Variants in ZNF483 observed in about 807,000 individuals in gnomAD.
ZNF483 encodes the protein zinc finger protein HIT-10.
In ZNF483, 9 loss-of-function variants were observed where a neutral mutation model predicts 28.6. The observed-to-expected ratio is 0.32, with a 90% confidence interval of 0.19 to 0.55. The LOEUF is 0.55. Ranked by LOEUF, ZNF483 falls within the 20% of genes least tolerant of loss-of-function variation. ZNF483 has a pLI of 0.93. For synonymous variants in ZNF483, 322 were observed against 306.2 expected (o/e 1.05, Z -0.54); for missense variants, 675 against 871.7 (o/e 0.77, Z 2.84).
At position 111,533,123 on chromosome 9, in the gene ZNF483, C is replaced by G. The variant is rs145736843; in HGVS notation, c.502-616C>G. On this transcript the variant is annotated intron_variant, in intron 3 of 5. Transcript: ENST00000309235. ...TACCTGTAGTAAGCTTACATTAATT[C>G]TGCAAATTTAGGGTTCAGGAATGTA... Among the ~76,000 whole-genome samples, 48 of 152,260 alleles carry G rather than the reference C, an allele frequency of 3.2e-4. 1 individual carries two copies. The East Asian group carries it at 9.1e-3, about 29-fold the overall frequency.
intron 3 of ZNF483, among the ~76,000 whole-genome samples, chr9:111,531,869 A>G (rs1484441116): frequency 6.6e-6 from 1 of 152,074 alleles, no homozygotes; most frequent in African/African-American, 2.4e-5. Context: ...TTTTTTGTAG[A>G]GTTGGGGTCT....
chr9:111,532,725 A>G (rs939346241), intron 3 of ZNF483, among the ~76,000 whole-genome samples: 3 of 152,200 alleles, frequency 2.0e-5, no homozygotes, highest in African/African-American at 4.8e-5. Flanking sequence ...TATAAAAAGC[A>G]TGCAGAGAAT....
Position 111,547,239 on chromosome 9 carries a change from A to C in ZNF483, c.*4069A>C, listed in dbSNP as rs781487405. ...ATATTTAACTTCTTGAGGAAGTGCA[A>C]CTACACTATTTTAAATTCCCACCAG... is the stretch of plus-strand genomic sequence containing the variant. On this transcript the variant is annotated 3_prime_UTR_variant, in exon 6 of 6. Coordinates refer to ENST00000309235, the MANE Select transcript of ZNF483 (RefSeq NM_133464.5). 6.6e-6 allele frequency among the ~76,000 whole-genome samples: 1 copy of C among 152,154 alleles called. No individual in the cohort carries two copies. Among genetic ancestry groups the C allele is most frequent in the Non-Finnish European group, 1.5e-5 (1 of 67,984 alleles).
intron 2 of ZNF483, among the ~76,000 whole-genome samples, chr9:111,528,514 A>G (rs1290170877): frequency 6.6e-6 from 1 of 152,184 alleles, no homozygotes; most frequent in African/African-American, 2.4e-5. Flanking sequence ...TAGTCCTTTC[A>G]GGGAATGTGG....
intron 5 of ZNF483, among the ~76,000 whole-genome samples, chr9:111,561,162 A>C (rs1427669949): frequency 7.1e-6 from 1 of 140,954 alleles, no homozygotes; most frequent in African/African-American, 2.6e-5. Context: ...AGAGAGAGAG[A>C]GAGAGAGAGA....
chr9:111,564,138 A>T lies in ZNF483; in HGVS notation c.722-12227A>T, dbSNP rs965056555. ...TTTTCAGATTTTTTTAAGGGGTCTTATATAGAGACCTGAGTTACCTGATAC... is the reference window on the plus strand; with the variant it reads ...TTTTCAGATTTTTTTAAGGGGTCTTTTATAGAGACCTGAGTTACCTGATAC... On this transcript the variant is annotated intron_variant, in intron 5 of 5. Transcript: ENST00000358151. 15 of 520,852 alleles carry T rather than the reference A, an allele frequency of 2.9e-5. No individual in the cohort carries two copies. In the African/African-American group the frequency reaches 2.9e-4, roughly 10 times the overall value. 32.3% of individuals were successfully genotyped at this position (520,852 alleles called of 1,614,324 possible).
intron 5 of ZNF483, among the ~76,000 whole-genome samples, chr9:111,561,135 AGAG>A (rs1268561680): frequency 4.6e-4 from 25 of 54,648 alleles, no homozygotes; most frequent in South Asian, 1.3e-3. Context: ...AGAGAGAGAG[AGAG>A]GAGAGAGAGG....
intron 5 of ZNF483, among the ~76,000 whole-genome samples, chr9:111,560,911 C>A (rs758179950): frequency 6.1e-4 from 84 of 138,198 alleles, no homozygotes; most frequent in Non-Finnish European, 1.1e-3. Context: ...CCACTGCACT[C>A]CAGCCTGGGC....
At chr9:111,565,620 C>G (rs1280247162) in intron 5 of ZNF483, among the ~76,000 whole-genome samples, 1 of 152,056 alleles carries the variant, frequency 6.6e-6, no homozygotes, top group African/African-American at 2.4e-5. Flanking sequence ...AACTCTTGGA[C>G]TCAGGTGATC....
chr9:111,566,393 C>A (rs1828563534), intron 5 of ZNF483, among the ~76,000 whole-genome samples: 1 of 152,182 alleles, frequency 6.6e-6, no homozygotes, highest in Non-Finnish European at 1.5e-5. Flanking sequence ...CAGCCCGGCA[C>A]TGCAAGTGCT....
At chr9:111,540,901 A>G (rs1458271359) in intron 5 of ZNF483, among the ~76,000 whole-genome samples, 1 of 152,204 alleles carries the variant, frequency 6.6e-6, no homozygotes, top group Non-Finnish European at 1.5e-5. Context: ...TGTCACATCC[A>G]TAAAACCGAG....
chr9:111,561,148 GGAGAGAGAGA>G (rs527553902), intron 5 of ZNF483, among the ~76,000 whole-genome samples: 1,194 of 34,692 alleles, frequency 0.034, 57 homozygotes, highest in Middle Eastern at 0.14. Flanking sequence ...GGAGAGAGAG[GGAGAGAGAGA>G]GAGAGAGAGA....
Position 111,543,757 on chromosome 9 carries a change from CTTCTTTTCTTTTTT to C in ZNF483, c.*590_*603del. 1 of 916,294 alleles carries C rather than the reference CTTCTTTTCTTTTTT, an allele frequency of 1.1e-6. No individual in the cohort carries two copies. The highest frequency in any genetic ancestry group is 1.3e-4 in the East Asian group (1 of 7,914). 56.8% of individuals were successfully genotyped at this position (916,294 alleles called of 1,614,324 possible). On this transcript the variant is annotated 3_prime_UTR_variant, in exon 6 of 6. Transcript: ENST00000309235. Reference sequence around the variant, plus strand: ...CAATACCACTATTCAGGATGCTGGACTTCTTTTCTTTTTTTTTTCTTTTTTTTTTTTCAATTTTT... The same window carrying C: ...CAATACCACTATTCAGGATGCTGGACTTTTCTTTTTTTTTTTTCAATTTTT...
chr9:111,561,110 T>TATATAGAGAGAGAG lies in ZNF483; in HGVS notation c.722-15254_722-15253insTATAGAGAGAGAGA, dbSNP rs1457364862. On this transcript the variant is annotated intron_variant, in intron 5 of 5. Coordinates refer to the ZNF483 transcript ENST00000358151. ...ATATATATATATATATATATATATATAGAGAGAGAGAGAGAGAGAGAGAGA... is the reference window on the plus strand; with the variant it reads ...ATATATATATATATATATATATATATATATAGAGAGAGAGAGAGAGAGAGAGAGAGAGAGAGAGA... Among the ~76,000 whole-genome samples, 17 of 19,184 alleles carry TATATAGAGAGAGAG rather than the reference T, an allele frequency of 8.9e-4. 1 individual carries two copies. The highest frequency in any genetic ancestry group is 2.2e-3 in the South Asian group (1 of 446). 12.6% of individuals were successfully genotyped at this position (19,184 alleles called of 152,430 possible).
At chr9:111,530,764 T>C (rs1487972150) in intron 2 of ZNF483, 111 bp from the exon 3 acceptor site, 4 of 23,202 alleles carry the variant, frequency 1.7e-4, no homozygotes, top group African/African-American at 3.9e-4. Flanking sequence ...GAAATATATA[T>C]ATATATATAT....
chr9:111,545,117 TG>T lies in ZNF483; in HGVS notation c.*1948del, dbSNP rs1827776884. Among the ~76,000 whole-genome samples, 1 of 152,218 alleles carries T rather than the reference TG, an allele frequency of 6.6e-6. No homozygotes were observed. The highest frequency in any genetic ancestry group is 2.1e-4 in the South Asian group (1 of 4,828). On this transcript the variant is annotated 3_prime_UTR_variant, in exon 6 of 6. Transcript: ENST00000309235. ...AGCCTGCAGTTTAAATATTGCCGTG[TG>T]ATAAATTGGTCCGCATAGTTATTGC...
intron 5 of ZNF483, chr9:111,570,327 T>C: frequency 7.0e-7 from 1 of 1,433,020 alleles, no homozygotes. Context: ...GCTTCTCCCC[T>C]TCCATTTCCT....
At chr9:111,570,008 G>A in intron 5 of ZNF483, 5 of 1,587,236 alleles carry the variant, frequency 3.2e-6, no homozygotes, top group South Asian at 1.1e-5. Flanking sequence ...AGATGGGGAA[G>A]AATTGGTAGA....
At chr9:111,539,464 G>A (rs1364590431) in intron 5 of ZNF483, 3 of 455,348 alleles carry the variant, frequency 6.6e-6, no homozygotes, top group South Asian at 4.7e-5. Context: ...ATTTGATAAA[G>A]GTTCAATAAG....
Sources: gnomAD v4.1 joint callset for allele counts (sites outside exome capture counted in the v4.1 genomes callset) on GRCh38, gnomAD v4.1.1 for gene constraint, MANE v1.5 for transcripts, NCBI Gene and HGNC (gene_info 2026-07-23, HGNC 2026-07-21) for gene names.